ARNT2: variants seen among roughly 807,000 people sequenced by gnomAD.
ARNT2 encodes ARNT protein 2.
In ARNT2, 36 loss-of-function variants were observed where a neutral mutation model predicts 91.7. The ratio of observed to expected loss-of-function variants is 0.39; its 90% CI spans 0.30 to 0.52. The LOEUF (loss-of-function observed/expected upper bound fraction) is 0.52, where lower values mean the gene tolerates loss of function less well. ARNT2 is among the 20% of genes least tolerant of loss of function. ARNT2 has a pLI of 0.72. For synonymous variants in ARNT2, 365 were observed against 347.1 expected, an observed-to-expected ratio of 1.05 and a Z score of -0.57; for missense variants, 775 against 939.3, an observed-to-expected ratio of 0.83 and a Z score of 2.29.
intron 1 of ARNT2, among the ~76,000 whole-genome samples, chr15:80,437,825 A>G (rs1301734860): frequency 6.6e-6 from 1 of 152,108 alleles, no homozygotes; most frequent in Non-Finnish European, 1.5e-5. Flanking sequence ...CTAAGTTTTT[A>G]AAACACAGAG....
At chr15:80,439,807 G>A (rs929166072) in intron 1 of ARNT2, among the ~76,000 whole-genome samples, 22 of 152,304 alleles carry the variant, frequency 1.4e-4, no homozygotes, top group African/African-American at 4.6e-4. Flanking sequence ...GGTCCCTCAG[G>A]TATCTGAAGA....
At chr15:80,554,868 T>G (rs1199920130) in intron 10 of ARNT2, 197 bp from the exon 11 acceptor site, 2 of 540,012 alleles carry the variant, frequency 3.7e-6, no homozygotes, top group African/African-American at 3.7e-5. Context: ...CCAGAAGAAC[T>G]TAGAGTGAAT....
chr15:80,574,556 G>C (rs1482489500), intron 13 of ARNT2, among the ~76,000 whole-genome samples: 1 of 152,156 alleles, frequency 6.6e-6, no homozygotes, highest in Admixed American at 6.5e-5. Context: ...GGGCCCCTTG[G>C]CTTCTTGGCC....
Position 80,433,226 on chromosome 15 carries a change from A to G in ARNT2, c.32-17654A>G, listed in dbSNP as rs188978497. 5.0e-4 allele frequency among the ~76,000 whole-genome samples: 65 copies of G among 130,184 alleles called. 1 individual carries two copies. In the East Asian group the frequency reaches 0.013, roughly 27 times the overall value. The allele number at this position is 130,184 out of a possible 152,430, so 85.4% of individuals were successfully genotyped here. On this transcript the variant is annotated intron_variant, in intron 1 of 18. Transcript: ENST00000303329. Reference sequence around the variant, plus strand: ...TTTTTTCCTTTTTAGAAAAGGCACTATATTTTATTTATTTTATTTTATTTT... The same window carrying G: ...TTTTTTCCTTTTTAGAAAAGGCACTGTATTTTATTTATTTTATTTTATTTT...
chr15:80,501,369 A>G (rs754832563), intron 5 of ARNT2, among the ~76,000 whole-genome samples: 1 of 152,256 alleles, frequency 6.6e-6, no homozygotes, highest in Non-Finnish European at 1.5e-5. Flanking sequence ...GCTAATTAAA[A>G]TAAAGAACAG....
intron 2 of ARNT2, among the ~76,000 whole-genome samples, chr15:80,454,900 T>C (rs754039502): frequency 6.6e-6 from 1 of 152,256 alleles, no homozygotes; most frequent in Non-Finnish European, 1.5e-5. Context: ...AAAAGTACAG[T>C]AAAATGCATT....
intron 5 of ARNT2, among the ~76,000 whole-genome samples, chr15:80,481,546 C>A (rs908231046): frequency 6.6e-6 from 1 of 151,950 alleles, no homozygotes; most frequent in Admixed American, 6.6e-5. Flanking sequence ...CTTACTTCTA[C>A]AAAAAAATTT....
At chr15:80,434,710 C>T (rs1195552797) in intron 1 of ARNT2, among the ~76,000 whole-genome samples, 1 of 151,414 alleles carries the variant, frequency 6.6e-6, no homozygotes, top group Non-Finnish European at 1.5e-5. Context: ...ACAGGTAGAC[C>T]GGGAGAGGGA....
intron 5 of ARNT2, among the ~76,000 whole-genome samples, chr15:80,495,594 T>G (rs1897115131): frequency 6.6e-6 from 1 of 152,244 alleles, no homozygotes; most frequent in Non-Finnish European, 1.5e-5. Context: ...GCTGGAGGGT[T>G]TGTCAGAAGC....
At chr15:80,554,940 C>G (rs570994304) in intron 10 of ARNT2, 125 bp from the exon 11 acceptor site, 59 of 983,506 alleles carry the variant, frequency 6.0e-5, no homozygotes, top group Non-Finnish European at 6.0e-5. Flanking sequence ...TTCAAAAAAT[C>G]TGGGGTGGGA....
intron 14 of ARNT2, among the ~76,000 whole-genome samples, chr15:80,575,571 A>G (rs1235381559): frequency 6.6e-6 from 1 of 152,182 alleles, no homozygotes; most frequent in Admixed American, 6.5e-5. Context: ...GTAAAATTCT[A>G]AACAGCCAGC....
At chr15:80,487,189 C>G (rs1182859608) in intron 5 of ARNT2, among the ~76,000 whole-genome samples, 1 of 152,216 alleles carries the variant, frequency 6.6e-6, no homozygotes. Context: ...TGAGCCCGGG[C>G]TTCCATCTCT....
chr15:80,417,963 G>C lies in ARNT2; in HGVS notation c.31+13417G>C, dbSNP rs1240174039. 2.0e-5 allele frequency among the ~76,000 whole-genome samples: 3 copies of C among 152,218 alleles called. No individual in the cohort carries two copies. The East Asian group carries it at 5.8e-4, about 29-fold the overall frequency. Reference sequence around the variant, plus strand: ...TGTTGCCTTATATGTAAAATGGGGGGTGATCACAGCACTCATCTCATTTGA... The same window carrying C: ...TGTTGCCTTATATGTAAAATGGGGGCTGATCACAGCACTCATCTCATTTGA... On this transcript the variant is annotated intron_variant, in intron 1 of 18. Transcript: ENST00000303329.
intron 1 of ARNT2, among the ~76,000 whole-genome samples, chr15:80,426,282 A>T (rs1895931098): frequency 6.6e-6 from 1 of 152,236 alleles, no homozygotes; most frequent in Non-Finnish European, 1.5e-5. Flanking sequence ...CTGTGACCAA[A>T]GTAGAAGATT....
chr15:80,423,499 T>C (rs1895889262), intron 1 of ARNT2, among the ~76,000 whole-genome samples: 1 of 152,220 alleles, frequency 6.6e-6, no homozygotes, highest in African/African-American at 2.4e-5. Context: ...TGTATATATA[T>C]ATACTTATTT....
intron 5 of ARNT2, among the ~76,000 whole-genome samples, chr15:80,484,749 A>C (rs993225307): frequency 1.3e-5 from 2 of 152,226 alleles, no homozygotes; most frequent in Admixed American, 6.5e-5. Context: ...TCTGGCTGGA[A>C]GGCTGGCCTC....
chr15:80,436,676 A>G (rs1896092463), intron 1 of ARNT2, among the ~76,000 whole-genome samples: 1 of 152,196 alleles, frequency 6.6e-6, no homozygotes, highest in Non-Finnish European at 1.5e-5. Context: ...GTGTCTGGAC[A>G]ACAATCAGTA....
intron 11 of ARNT2, among the ~76,000 whole-genome samples, chr15:80,561,422 T>C (rs544244640): frequency 1.3e-5 from 2 of 152,290 alleles, no homozygotes; most frequent in African/African-American, 4.8e-5. Flanking sequence ...ATATCCCTTC[T>C]TCCATTTGTG....
At chr15:80,460,854 A>G (rs145889284) in intron 3 of ARNT2, among the ~76,000 whole-genome samples, 98 of 152,234 alleles carry the variant, frequency 6.4e-4, no homozygotes, top group African/African-American at 2.2e-3. Flanking sequence ...GATTTGGAAG[A>G]CTCAGGAGTG....
Sources: allele counts gnomAD v4.1 joint callset (sites outside exome capture counted in the v4.1 genomes callset), GRCh38; gene constraint gnomAD v4.1.1; transcripts MANE v1.5; gene names NCBI Gene and HGNC (gene_info 2026-07-23, HGNC 2026-07-21).